Variants in ENPP6 observed in about 807,000 individuals in gnomAD.
The protein encoded by ENPP6 is ectonucleotide pyrophosphatase/phosphodiesterase 6.
In ENPP6, 32 loss-of-function variants were observed where a neutral mutation model predicts 42.0. The ratio of observed to expected loss-of-function variants is 0.76; its 90% CI spans 0.58 to 1.02. ENPP6 has a LOEUF of 1.02. Among genes scored for constraint, ENPP6 ranks in the 50% least tolerant of loss-of-function variants. The pLI is 0.00. For missense variants in ENPP6, 552 were observed against 566.8 expected (o/e 0.97, Z 0.27); for synonymous variants, 213 against 216.0 (o/e 0.99, Z 0.12).
chr4:184,102,115 A>T lies in ENPP6; in HGVS notation c.994-4747T>A, dbSNP rs1418261859. Among the ~76,000 whole-genome samples the T allele has an allele frequency of 2.0e-5, 3 of 152,366 alleles. No individual in the cohort carries two copies. The East Asian group carries it at 5.8e-4, about 29-fold the overall frequency. On this transcript the variant is annotated intron_variant, in intron 6 of 7. Coordinates refer to ENST00000296741, the MANE Select transcript of ENPP6 (RefSeq NM_153343.4). ...TTTGTCTCAATCATCCTTAGCATTA[A>T]AATGAAAAGAAAATGCAACATTTGC...
At chr4:184,128,650 G>A (rs1170035488) in intron 2 of ENPP6, among the ~76,000 whole-genome samples, 1 of 149,520 alleles carries the variant, frequency 6.7e-6, no homozygotes, top group African/African-American at 2.4e-5. Flanking sequence ...GTGCAAAATT[G>A]CAACTTGGTG....
intron 6 of ENPP6, among the ~76,000 whole-genome samples, chr4:184,103,358 C>T (rs924611505): frequency 2.6e-5 from 4 of 152,178 alleles, no homozygotes; most frequent in African/African-American, 7.2e-5. Flanking sequence ...TGGGGAACAC[C>T]GTTGAAATCT....
chr4:184,113,899 T>TTTCCTTTC (rs1409161618), intron 5 of ENPP6, among the ~76,000 whole-genome samples: 3 of 103,626 alleles, frequency 2.9e-5, no homozygotes, highest in East Asian at 2.7e-4. Context: ...CCTTTCTTTC[T>TTTCCTTTC]TTTCTTTCTT....
At chr4:184,148,313 C>T (rs1736961479) in intron 2 of ENPP6, among the ~76,000 whole-genome samples, 1 of 152,050 alleles carries the variant, frequency 6.6e-6, no homozygotes, top group Admixed American at 6.6e-5. Flanking sequence ...GAAGTTCGTC[C>T]CTGGATTTCT....
rs1280007618 is a variant in ENPP6 at position 184,184,054 on chromosome 4, A to G, written c.242-30321T>C. 6.6e-6 allele frequency among the ~76,000 whole-genome samples: 1 copy of G among 152,158 alleles called. No homozygotes were observed. The highest frequency in any genetic ancestry group is 1.5e-5 in the Non-Finnish European group (1 of 68,028). On this transcript the variant is annotated intron_variant, in intron 1 of 7. Transcript: ENST00000296741. The surrounding 1 kb of genome is among the most constrained non-coding windows in gnomAD (Gnocchi z 4.7). The stretch of plus-strand genomic sequence containing the variant: ...TCCGTCAGCGTCTGTGAATGACTAC[A>G]TGGAGCGAGCCCCACCTCCATGCAC...
At chr4:184,136,480 C>T (rs1320878951) in intron 2 of ENPP6, among the ~76,000 whole-genome samples, 2 of 152,094 alleles carry the variant, frequency 1.3e-5, no homozygotes, top group African/African-American at 4.8e-5. Flanking sequence ...GATCATTTTC[C>T]TTCTGTCTAA....
intron 1 of ENPP6, among the ~76,000 whole-genome samples, chr4:184,187,972 G>A (rs181037007): frequency 7.2e-5 from 11 of 152,320 alleles, no homozygotes; most frequent in African/African-American, 1.7e-4. Context: ...GGGATACAGC[G>A]CAGAACAAGA....
chr4:184,200,259 C>CCCAT (rs1184379631), intron 1 of ENPP6, among the ~76,000 whole-genome samples: 2 of 152,180 alleles, frequency 1.3e-5, no homozygotes, highest in Non-Finnish European at 2.9e-5. Flanking sequence ...CGGTGAGGAC[C>CCCAT]CCATTGACCA....
chr4:184,117,212 G>A (rs1357219736), intron 4 of ENPP6, among the ~76,000 whole-genome samples, 177 bp from the exon 5 acceptor site: 1 of 152,202 alleles, frequency 6.6e-6, no homozygotes, highest in Non-Finnish European at 1.5e-5. Flanking sequence ...CCTTTGCGGA[G>A]GGGACTGTGA....
intron 1 of ENPP6, among the ~76,000 whole-genome samples, chr4:184,158,989 T>A (rs1737218790): frequency 6.6e-6 from 1 of 152,214 alleles, no homozygotes; most frequent in Non-Finnish European, 1.5e-5. Context: ...TATTTTCCAG[T>A]ACAGTAAGAG....
chr4:184,200,462 C>A (rs1427237707), intron 1 of ENPP6, among the ~76,000 whole-genome samples: 3 of 152,216 alleles, frequency 2.0e-5, no homozygotes, highest in Admixed American at 1.3e-4. Context: ...CACTGTGAAC[C>A]TTTTTGGCTT....
intron 2 of ENPP6, among the ~76,000 whole-genome samples, chr4:184,130,344 G>T (rs988690042): frequency 6.6e-6 from 1 of 150,656 alleles, no homozygotes; most frequent in Non-Finnish European, 1.5e-5. Flanking sequence ...GGATCACGAG[G>T]TCAGGAGATC....
At chr4:184,157,860 T>C (rs1285521734) in intron 1 of ENPP6, among the ~76,000 whole-genome samples, 1 of 150,340 alleles carries the variant, frequency 6.7e-6, no homozygotes, top group Non-Finnish European at 1.5e-5. Context: ...GCTCCAGTGA[T>C]CCACCCGCCT....
chr4:184,149,087 A>C (rs1177753935), intron 2 of ENPP6, among the ~76,000 whole-genome samples: 1 of 152,264 alleles, frequency 6.6e-6, no homozygotes, highest in Non-Finnish European at 1.5e-5. Flanking sequence ...TATTTAAAAA[A>C]TAGTGGATAT....
At chr4:184,187,351 T>G (rs368480406) in intron 1 of ENPP6, among the ~76,000 whole-genome samples, 2 of 152,138 alleles carry the variant, frequency 1.3e-5, no homozygotes, top group Admixed American at 1.3e-4. Flanking sequence ...GCTGGGACCA[T>G]TGGTTGACTC....
chr4:184,096,595 T>A (rs990821299), intron 7 of ENPP6, among the ~76,000 whole-genome samples: 1 of 152,188 alleles, frequency 6.6e-6, no homozygotes, highest in Non-Finnish European at 1.5e-5. Context: ...CAGGGATCCA[T>A]CTGTTAAATC....
At chr4:184,217,511 A>G (rs939993026) in intron 1 of ENPP6, 68 bp downstream of exon 1, 9 of 1,588,976 alleles carry the variant, frequency 5.7e-6, no homozygotes, top group Non-Finnish European at 7.7e-6. Context: ...CTCCAATGCC[A>G]GGAGCTCACT....
rs868029791 is a variant in ENPP6 at position 184,208,819 on chromosome 4, T to G, written c.241+8760A>C. 4.9e-5 allele frequency among the ~76,000 whole-genome samples: 7 copies of G among 142,290 alleles called. 2 individuals are homozygous for G. The highest frequency in any genetic ancestry group is 9.4e-5 in the Non-Finnish European group (6 of 63,548). 93.3% of individuals were successfully genotyped at this position (142,290 alleles called of 152,430 possible). ...GACAAACAAAAAGACAGCAGTAACC[T>G]CTGCAGACTTAAATGTCCCTGTCAG... is the stretch of plus-strand genomic sequence containing the variant. On this transcript the variant is annotated intron_variant, in intron 1 of 7. Coordinates refer to ENST00000296741, the MANE Select transcript of ENPP6 (RefSeq NM_153343.4).
intron 5 of ENPP6, 66 bp from the exon 6 acceptor site, chr4:184,112,875 C>A: frequency 6.8e-7 from 1 of 1,480,296 alleles, no homozygotes; most frequent in South Asian, 1.4e-5. Context: ...TTTACTGGAG[C>A]TAGGGGAGAG....
Sources: gnomAD v4.1 joint callset for allele counts (sites outside exome capture counted in the v4.1 genomes callset) on GRCh38, gnomAD v4.1.1 for gene constraint, Gnocchi (gnomAD v3.1) non-coding constraint, MANE v1.5 for transcripts, NCBI Gene and HGNC (gene_info 2026-07-23, HGNC 2026-07-21) for gene names.